The following DAAM2 variants were observed in gnomAD, a reference collection of about 807,000 sequenced individuals.
DAAM2 encodes the protein disheveled-associated activator of morphogenesis 2.
Under a neutral mutation model 120.7 loss-of-function variants are expected in DAAM2, and 39 were observed. The observed-to-expected ratio is 0.32, with a 90% confidence interval of 0.25 to 0.42. The LOEUF is 0.42. Among genes scored for constraint, DAAM2 ranks in the 10% least tolerant of loss-of-function variants. The pLI, the probability that DAAM2 is intolerant of heterozygous loss-of-function variation, is 1.00. For missense variants in DAAM2, 1,283 were observed against 1,401.7 expected, an observed-to-expected ratio of 0.92 and a Z score of 1.35; for synonymous variants, 488 against 524.9, an observed-to-expected ratio of 0.93 and a Z score of 0.96.
At chr6:39,792,682 G>A (rs1016226022) in intron 1 of DAAM2, among the ~76,000 whole-genome samples, 2 of 152,196 alleles carry the variant, frequency 1.3e-5, no homozygotes, top group Admixed American at 6.5e-5. Flanking sequence ...GTGTGTGTGA[G>A]TTGTGTGTGT....
At chr6:39,820,719 A>AG (rs1762461360) in intron 1 of DAAM2, 1 of 152,196 alleles carries the variant, frequency 6.6e-6, no homozygotes, top group Admixed American at 6.5e-5. Flanking sequence ...TTCAAATCCT[A>AG]ATTTTTTCAC....
chr6:39,803,715 A>G (rs541977141), intron 1 of DAAM2, among the ~76,000 whole-genome samples: 1 of 152,350 alleles, frequency 6.6e-6, no homozygotes, highest in Non-Finnish European at 1.5e-5. Context: ...GGAAGGAAAC[A>G]CAGACACAGA....
At chr6:39,884,600 G>GGGCTGAGGCTGA (rs960327505) in intron 15 of DAAM2, 1 of 142,762 alleles carries the variant, frequency 7.0e-6, no homozygotes, top group Non-Finnish European at 1.5e-5. Flanking sequence ...GTCACTCAGG[G>GGGCTGAGGCTGA]GGCTGAGGCT....
intron 1 of DAAM2, among the ~76,000 whole-genome samples, chr6:39,834,672 A>G (rs1195588360): frequency 2.0e-5 from 3 of 152,234 alleles, no homozygotes; most frequent in African/African-American, 7.2e-5. Context: ...CTTTTATTAC[A>G]TAATCAGCAT....
rs1562076797 is a variant in DAAM2, at chr6:39,904,831, T to C, written c.*2794T>C. ...GCACCTTTTTTATAAGAATATATTGTAATACTAAAAAATATTAAATTCATA... is the reference window on the plus strand; with the variant it reads ...GCACCTTTTTTATAAGAATATATTGCAATACTAAAAAATATTAAATTCATA... On this transcript the variant is annotated 3_prime_UTR_variant, in exon 25 of 25. Coordinates refer to ENST00000274867, the MANE Select transcript of DAAM2 (RefSeq NM_001201427.2). 4.4e-6 allele frequency: 2 copies of C among 454,094 alleles called. No homozygotes were observed. Among genetic ancestry groups the C allele is most frequent in the Non-Finnish European group, 8.8e-6 (2 of 226,794 alleles). The allele number at this position is 454,094 out of a possible 1,614,324, so 28.1% of individuals were successfully genotyped here. A position where few individuals can be genotyped will look rare whatever the true frequency, so the allele number is the denominator to read the frequency against.
intron 17 of DAAM2, 112 bp downstream of exon 17, chr6:39,888,875 A>G: frequency 5.8e-6 from 4 of 687,780 alleles, no homozygotes; most frequent in Non-Finnish European, 9.5e-6. Flanking sequence ...TCAGGCTGGA[A>G]GAGTTAGGGA....
Position 39,897,287 on chromosome 6 carries a change from G to T in DAAM2, c.2618+5G>T. 1 of 1,565,984 alleles carries T rather than the reference G, an allele frequency of 6.4e-7. No individual in the cohort carries two copies. The highest frequency in any genetic ancestry group is 1.1e-5 in the South Asian group (1 of 89,988). On this transcript the variant is annotated splice_donor_5th_base_variant and intron_variant, in intron 21 of 24. Transcript: ENST00000274867. ...TCCAGAAGCTGCCAAAGTCAAGTGA[G>T]GGTTCTCTCCAAGACTTCCTTCTCC...
chr6:39,893,085 T>C (rs1334846002), intron 19 of DAAM2, among the ~76,000 whole-genome samples: 1 of 152,206 alleles, frequency 6.6e-6, no homozygotes, highest in African/African-American at 2.4e-5. Flanking sequence ...GCCCAAGACA[T>C]GTGTGCACAA....
At chr6:39,806,562 A>G (rs1427944141) in intron 1 of DAAM2, among the ~76,000 whole-genome samples, 1 of 152,012 alleles carries the variant, frequency 6.6e-6, no homozygotes, top group East Asian at 1.9e-4. Flanking sequence ...CTCTAATATT[A>G]TGGCTTATTT....
chr6:39,810,818 A>C (rs887724847), intron 1 of DAAM2, among the ~76,000 whole-genome samples: 1 of 151,940 alleles, frequency 6.6e-6, no homozygotes, highest in African/African-American at 2.4e-5. Context: ...GCTCAGTTTC[A>C]CCAAATCACA....
chr6:39,846,205 C>T (rs1442055734), intron 1 of DAAM2, among the ~76,000 whole-genome samples: 1 of 152,140 alleles, frequency 6.6e-6, no homozygotes, highest in Non-Finnish European at 1.5e-5. Flanking sequence ...AGTTTACCTG[C>T]ACGTACCCAG....
At chr6:39,895,803 T>G (rs902756475) in intron 19 of DAAM2, among the ~76,000 whole-genome samples, 3 of 152,180 alleles carry the variant, frequency 2.0e-5, no homozygotes, top group Non-Finnish European at 4.4e-5. Context: ...GAATGAATTA[T>G]TGAAGTTTTG....
At chr6:39,811,311 TG>T (rs1344538338) in intron 1 of DAAM2, among the ~76,000 whole-genome samples, 1 of 152,036 alleles carries the variant, frequency 6.6e-6, no homozygotes, top group African/African-American at 2.4e-5. Flanking sequence ...ATGTGGATGT[TG>T]TTTTGTTTTC....
At chr6:39,831,935 A>AG (rs1263165103) in intron 1 of DAAM2, among the ~76,000 whole-genome samples, 2 of 36,252 alleles carry the variant, frequency 5.5e-5, no homozygotes, top group East Asian at 1.1e-3. Flanking sequence ...ATGCAGTGCG[A>AG]GGGCCGGGGC....
intron 14 of DAAM2, chr6:39,883,707 A>T: frequency 2.8e-6 from 1 of 357,120 alleles, no homozygotes; most frequent in Non-Finnish European, 5.2e-6. Flanking sequence ...AGCACCCCCC[A>T]TGATTTCTAG....
chr6:39,901,761 G>C lies in DAAM2; in HGVS notation c.2983-52G>C. On this transcript the variant is annotated intron_variant, in intron 24 of 24. Coordinates refer to ENST00000274867, the MANE Select transcript of DAAM2 (RefSeq NM_001201427.2). This position sits in a 1 kb window ranked among gnomAD's most constrained non-coding sequence, Gnocchi z 4.5. ...AGCCCAGGGTTGGGGGGCTGCCCTG[G>C]CCTCAGCGCCTCTCCCTGAGAGGGT... The C allele has an allele frequency of 6.9e-7, 1 of 1,452,320 alleles. No homozygotes were observed. Among genetic ancestry groups the C allele is most frequent in the Non-Finnish European group, 9.1e-7 (1 of 1,099,004 alleles). The allele number at this position is 1,452,320 out of a possible 1,614,324, so 90.0% of individuals were successfully genotyped here. A position where few individuals can be genotyped will look rare whatever the true frequency, so the allele number is the denominator to read the frequency against.
At chr6:39,843,634 G>T (rs1763441115) in intron 1 of DAAM2, among the ~76,000 whole-genome samples, 1 of 152,216 alleles carries the variant, frequency 6.6e-6, no homozygotes, top group Admixed American at 6.5e-5. Context: ...GATGGCAATA[G>T]CAGAGCTTTA....
chr6:39,893,174 T>C (rs1306226287), intron 19 of DAAM2, among the ~76,000 whole-genome samples: 1 of 152,208 alleles, frequency 6.6e-6, no homozygotes, highest in Non-Finnish European at 1.5e-5. Context: ...AGCTTAGCCA[T>C]CAGAAAGGTT....
chr6:39,807,769 G>A (rs1366217010), intron 1 of DAAM2, among the ~76,000 whole-genome samples: 6 of 152,226 alleles, frequency 3.9e-5, no homozygotes, highest in African/African-American at 1.2e-4. Context: ...CGCCCACCTC[G>A]GCCTCCCAAA....
Sources: gnomAD v4.1 joint callset for allele counts (sites outside exome capture counted in the v4.1 genomes callset) on GRCh38, gnomAD v4.1.1 for gene constraint, Gnocchi (gnomAD v3.1) non-coding constraint, MANE v1.5 for transcripts, NCBI Gene and HGNC (gene_info 2026-07-23, HGNC 2026-07-21) for gene names.